Variants in MIER2 observed in about 807,000 individuals in gnomAD.
The protein encoded by MIER2 is MIER family member 2, also known as mesoderm induction early response protein 2.
Under a neutral mutation model 67.6 loss-of-function variants are expected in MIER2, and 30 were observed. The ratio of observed to expected loss-of-function variants is 0.44; its 90% CI spans 0.33 to 0.60. The LOEUF is 0.60. MIER2 is among the 20% of genes least tolerant of loss of function. The pLI is 0.02. For synonymous variants in MIER2, 372 were observed against 312.6 expected, an observed-to-expected ratio of 1.19 and a Z score of -2.00; for missense variants, 702 against 745.1, an observed-to-expected ratio of 0.94 and a Z score of 0.67.
rs1274031151 is a variant in MIER2 at position 334,451 on chromosome 19, C to T, written c.192G>A (p.Ser64=). The T allele has an allele frequency of 2.5e-6, 4 of 1,614,072 alleles. No homozygotes were observed. In the Admixed American group the frequency reaches 5.0e-5, roughly 20 times the overall value. Residue 64 remains serine, a synonymous_variant, in exon 3 of 14, where the codon TCG becomes TCA. Coordinates refer to ENST00000264819, the MANE Select transcript of MIER2 (RefSeq NM_017550.3). ...CCTCCTTGGGCTTGTCTGGGCACCTCGAGGCCTCCTCGCACTCCCCCCTAA... is the reference window on the plus strand; with the variant it reads ...CCTCCTTGGGCTTGTCTGGGCACCTTGAGGCCTCCTCGCACTCCCCCCTAA... ...YSVRGECEEA[S]RCPDKPKEEL...
intron 4 of MIER2, 118 bp from the exon 5 acceptor site, chr19:327,374 T>C: frequency 7.8e-7 from 1 of 1,284,186 alleles, no homozygotes; most frequent in Non-Finnish European, 1.1e-6. Flanking sequence ...GGGGCTGCTA[T>C]TCCCATTCTG....
chr19:337,800 C>T (rs555795381), intron 1 of MIER2, among the ~76,000 whole-genome samples: 313 of 138,656 alleles, frequency 2.3e-3, no homozygotes, highest in African/African-American at 5.1e-3. Context: ...ACCAGGGAGG[C>T]GGAGGCTGCA....
chr19:318,166 T>C (rs1833764273), intron 7 of MIER2, among the ~76,000 whole-genome samples: 1 of 152,136 alleles, frequency 6.6e-6, no homozygotes, highest in African/African-American at 2.4e-5. Context: ...ATTATGCCAA[T>C]GCACTCCAGA....
chr19:310,569 T>TCC (rs1970921138), intron 10 of MIER2, among the ~76,000 whole-genome samples: 1 of 118,636 alleles, frequency 8.4e-6, no homozygotes, highest in African/African-American at 3.7e-5. Flanking sequence ...CCCGGAGCTA[T>TCC]AGAAACACGG....
rs745608753 is a variant in MIER2 at position 336,144 on chromosome 19, G to A, written c.39C>T (p.Arg13=). The change falls in exon 2 of 14, where the codon CGC becomes CGT. Residue 13 remains arginine, a synonymous_variant. Coordinates refer to ENST00000264819, the MANE Select transcript of MIER2 (RefSeq NM_017550.3). ...GGCTGTGCTCGAGGCAGGAGACCACGCGAGGACTCTGCCTCCCCAGCGAGG... is the reference window on the plus strand; with the variant it reads ...GGCTGTGCTCGAGGCAGGAGACCACACGAGGACTCTGCCTCCCCAGCGAGG... ...EASSLGRQSP[R]VVSCLEHSLC... The A allele has an allele frequency of 1.4e-5, 22 of 1,613,324 alleles. No individual in the cohort carries two copies. The highest frequency in any genetic ancestry group is 2.2e-5 in the East Asian group (1 of 44,888).
chr19:337,312 T>TA (rs535269241), intron 1 of MIER2, among the ~76,000 whole-genome samples: 7 of 151,910 alleles, frequency 4.6e-5, no homozygotes, highest in Admixed American at 1.3e-4. Context: ...ATCAATAAAA[T>TA]AAAAAAACAA....
chr19:344,291 G>C lies in MIER2; in HGVS notation c.9+483C>G, dbSNP rs997425895. ...CCCGCCGGGGGGCTCGCGGGCGGCG[G>C]AGGCGCGGTGGGTCCACCGGGATCC... On this transcript the variant is annotated intron_variant, in intron 1 of 13. Transcript: ENST00000264819. 3.0e-6 allele frequency: 3 copies of C among 984,958 alleles called. 1 individual carries two copies. The African/African-American group carries it at 5.2e-5, about 17-fold the overall frequency. The allele number at this position is 984,958 out of a possible 1,614,324, so 61.0% of individuals were successfully genotyped here. A position where few individuals can be genotyped will look rare whatever the true frequency, so the allele number is the denominator to read the frequency against.
At chr19:319,099 T>C (rs1395334597) in intron 7 of MIER2, among the ~76,000 whole-genome samples, 3 of 148,966 alleles carry the variant, frequency 2.0e-5, no homozygotes, top group Admixed American at 6.7e-5. Flanking sequence ...TGCTGGTTCA[T>C]GCCTGTAATC....
At chr19:324,487 C>T (rs1481172059) in intron 7 of MIER2, among the ~76,000 whole-genome samples, 3 of 138,820 alleles carry the variant, frequency 2.2e-5, no homozygotes, top group Non-Finnish European at 4.6e-5. Context: ...ACAAGACACA[C>T]ACAACCACGC....
rs138391518 is a variant in MIER2, at chr19:330,151, T to C, written c.244-2162A>G. On this transcript the variant is annotated intron_variant, in intron 3 of 13. Coordinates refer to ENST00000264819, the MANE Select transcript of MIER2 (RefSeq NM_017550.3). Reference sequence around the variant, plus strand: ...CTTGTATGCAAGCCAGGGGGGCTGTTACTGCAAAGGAAACAGCTGACCATA... The same window carrying C: ...CTTGTATGCAAGCCAGGGGGGCTGTCACTGCAAAGGAAACAGCTGACCATA... 1.4e-3 allele frequency: 211 copies of C among 152,284 alleles called. 2 individuals are homozygous for C. The highest frequency in any genetic ancestry group is 4.8e-3 in the African/African-American group (200 of 41,572). 9.4% of individuals were successfully genotyped at this position (152,284 alleles called of 1,614,324 possible). A position where few individuals can be genotyped will look rare whatever the true frequency, so the allele number is the denominator to read the frequency against.
At chr19:309,029 G>T in intron 10 of MIER2, 104 bp from the exon 11 acceptor site, 1 of 1,469,534 alleles carries the variant, frequency 6.8e-7, no homozygotes. Flanking sequence ...CACAGAAGGA[G>T]CACAGCACCC....
At chr19:344,101 G>C (rs762000273) in intron 1 of MIER2, 20 of 985,316 alleles carry the variant, frequency 2.0e-5, no homozygotes, top group South Asian at 4.7e-5. Flanking sequence ...CTGGACGAGG[G>C]AGGAGGCTCC....
rs778433017 is a variant in MIER2 at position 326,506 on chromosome 19, CCTT to C, written c.583_585del (p.Lys195del). The stretch of plus-strand genomic sequence containing the variant: ...GTTGGGGAGATGGCAGAACCACGTA[CCTT>C]CTTACATTTGTTGGCAGGAAGAGAG... On this transcript the variant is annotated inframe_deletion and splice_region_variant, in exon 6 of 14. Transcript: ENST00000264819. 6.8e-6 allele frequency: 11 copies of C among 1,613,638 alleles called. No individual in the cohort carries two copies. The highest frequency in any genetic ancestry group is 9.3e-6 in the Non-Finnish European group (11 of 1,179,556).
chr19:311,828 G>T lies in MIER2; in HGVS notation c.984+17C>A, dbSNP rs1028702153. 6.2e-7 allele frequency: 1 copy of T among 1,613,180 alleles called. No homozygotes were observed. The highest frequency in any genetic ancestry group is 8.5e-7 in the Non-Finnish European group (1 of 1,179,298). ...GATCGAGAAGCCCCCGGTGGAGCCT[G>T]GCAGTGGAGTCCGCACCTTGTTGGC... On this transcript the variant is annotated intron_variant, in intron 10 of 13. Coordinates refer to ENST00000264819, the MANE Select transcript of MIER2 (RefSeq NM_017550.3).
chr19:310,925 C>G (rs989471681), intron 10 of MIER2, among the ~76,000 whole-genome samples: 8 of 152,238 alleles, frequency 5.3e-5, no homozygotes, highest in African/African-American at 1.9e-4. Context: ...CACACTCCAG[C>G]CACACCTCGC....
chr19:316,671 G>C (rs1358925109), intron 7 of MIER2, among the ~76,000 whole-genome samples: 1 of 152,210 alleles, frequency 6.6e-6, no homozygotes, highest in African/African-American at 2.4e-5. Flanking sequence ...AGGGGAACTA[G>C]AATGTACTTA....
chr19:335,084 C>T (rs770365770), intron 2 of MIER2, among the ~76,000 whole-genome samples: 1 of 152,232 alleles, frequency 6.6e-6, no homozygotes, highest in African/African-American at 2.4e-5. Context: ...CAACAGTTGA[C>T]GGCTGTCATC....
intron 1 of MIER2, among the ~76,000 whole-genome samples, chr19:342,808 G>A (rs1003757757): frequency 1.3e-5 from 2 of 151,970 alleles, no homozygotes; most frequent in Admixed American, 6.6e-5. Flanking sequence ...CGTTGTGGCA[G>A]GACCTCATCA....
intron 6 of MIER2, 62 bp downstream of exon 6, chr19:326,445 G>C: frequency 6.8e-7 from 1 of 1,479,060 alleles, no homozygotes; most frequent in Non-Finnish European, 9.4e-7. Context: ...GGGATGCCAG[G>C]TTGGGGAGAC....
Sources: gnomAD v4.1 joint callset for allele counts (sites outside exome capture counted in the v4.1 genomes callset) on GRCh38, gnomAD v4.1.1 for gene constraint, MANE v1.5 for transcripts, NCBI Gene and HGNC (gene_info 2026-07-23, HGNC 2026-07-21) for gene names.